The following RGS17 variants were observed in gnomAD, a reference collection of about 807,000 sequenced individuals.
RGS17 encodes regulator of G-protein signaling 17.
A neutral mutation model predicts 25.5 loss-of-function variants in RGS17; 12 were observed. The observed-to-expected ratio is 0.47, with a 90% CI of 0.30 to 0.76. The LOEUF is 0.76. Among genes scored for constraint, RGS17 ranks in the 30% least tolerant of loss-of-function variants. RGS17 has a pLI of 0.07. For missense variants in RGS17, 196 were observed against 242.2 expected, an observed-to-expected ratio of 0.81 and a Z score of 1.27; for synonymous variants, 71 against 76.9, an observed-to-expected ratio of 0.92 and a Z score of 0.40.
At chr6:153,050,339 C>A (rs932422766) in intron 1 of RGS17, among the ~76,000 whole-genome samples, 9 of 151,986 alleles carry the variant, frequency 5.9e-5, no homozygotes, top group African/African-American at 2.2e-4. Flanking sequence ...AATAGAGAAT[C>A]ATACTGGAAG....
intron 1 of RGS17, among the ~76,000 whole-genome samples, chr6:153,064,023 TAA>T (rs1776672528): frequency 6.6e-6 from 1 of 151,580 alleles, no homozygotes; most frequent in Non-Finnish European, 1.5e-5. Flanking sequence ...GAAGGAGAAA[TAA>T]AGACTTTCCC....
chr6:153,116,784 T>C (rs956952005), intron 1 of RGS17, among the ~76,000 whole-genome samples: 70 of 152,070 alleles, frequency 4.6e-4, no homozygotes, highest in African/African-American at 1.5e-3. Context: ...GGGACATGGA[T>C]GAAGCTAGAA....
intron 1 of RGS17, among the ~76,000 whole-genome samples, chr6:153,077,254 A>G (rs1375450021): frequency 6.6e-6 from 1 of 152,238 alleles, no homozygotes; most frequent in Non-Finnish European, 1.5e-5. Context: ...TCTAAAATAC[A>G]GTTCTCTTGG....
At chr6:153,046,738 T>C (rs746205879) in intron 1 of RGS17, among the ~76,000 whole-genome samples, 3 of 152,062 alleles carry the variant, frequency 2.0e-5, no homozygotes, top group Non-Finnish European at 2.9e-5. Context: ...ACCAGTAACA[T>C]TGAAAGGCCC....
At chr6:153,108,078 A>T (rs1217563517) in intron 1 of RGS17, among the ~76,000 whole-genome samples, 11 of 152,134 alleles carry the variant, frequency 7.2e-5, no homozygotes. Context: ...TCTCCAAAAT[A>T]TCCATCCTCT....
At chr6:153,094,367 T>G (rs983111232) in intron 1 of RGS17, among the ~76,000 whole-genome samples, 1 of 152,134 alleles carries the variant, frequency 6.6e-6, no homozygotes, top group African/African-American at 2.4e-5. Context: ...GCGTGAGCAT[T>G]GTGCTCAGTG....
At chr6:153,124,660 A>G (rs1364774374) in intron 1 of RGS17, among the ~76,000 whole-genome samples, 2 of 152,322 alleles carry the variant, frequency 1.3e-5, no homozygotes, top group Middle Eastern at 3.4e-3. Context: ...ATCCCTGGTT[A>G]TTTGAATCTA....
chr6:153,112,828 T>G (rs1471347793), intron 1 of RGS17, among the ~76,000 whole-genome samples: 1 of 152,128 alleles, frequency 6.6e-6, no homozygotes, highest in African/African-American at 2.4e-5. Flanking sequence ...AAACTAAGCT[T>G]CATAAGCAAA....
chr6:153,092,568 G>A (rs1056409382), intron 1 of RGS17, among the ~76,000 whole-genome samples: 2 of 152,126 alleles, frequency 1.3e-5, no homozygotes, highest in African/African-American at 2.4e-5. Flanking sequence ...GATAAAACAT[G>A]TACAATTATA....
At position 153,009,209 on chromosome 6, in the gene RGS17, T is replaced by C. The variant is rs1297870119; in HGVS notation, c.*2365A>G. On this transcript the variant is annotated 3_prime_UTR_variant, in exon 5 of 5. Transcript: ENST00000206262. ...CAAAGTATCTTATAAAGATAACTTA[T>C]GACTAGCAGGTCACCATCATATATA... 6.6e-6 allele frequency: 1 copy of C among 152,134 alleles called. No homozygotes were observed. The highest frequency in any genetic ancestry group is 1.5e-5 in the Non-Finnish European group (1 of 67,962). The allele number at this position is 152,134 out of a possible 1,614,324, so 9.4% of individuals were successfully genotyped here.
chr6:153,088,648 G>C (rs930107625), intron 1 of RGS17, among the ~76,000 whole-genome samples: 2 of 152,008 alleles, frequency 1.3e-5, no homozygotes, highest in Non-Finnish European at 2.9e-5. Context: ...TCTTCAGCTT[G>C]TTGGCATCTC....
At chr6:153,096,195 G>C (rs1227486912) in intron 1 of RGS17, among the ~76,000 whole-genome samples, 2 of 88,870 alleles carry the variant, frequency 2.3e-5, no homozygotes, top group Non-Finnish European at 4.5e-5. Flanking sequence ...CAGCAGGCCT[G>C]CCAGATGGAA....
At chr6:153,113,444 G>T (rs142736364) in intron 1 of RGS17, among the ~76,000 whole-genome samples, 14 of 152,136 alleles carry the variant, frequency 9.2e-5, no homozygotes, top group Middle Eastern at 6.8e-3. Context: ...GTTCTTAGAG[G>T]CCTATTAGGG....
chr6:153,120,750 G>A (rs536731273), intron 1 of RGS17, among the ~76,000 whole-genome samples: 1 of 152,172 alleles, frequency 6.6e-6, no homozygotes, highest in African/African-American at 2.4e-5. Context: ...GATTTCCTGC[G>A]AGTACTGTAT....
chr6:153,008,223 C>T lies in RGS17; in HGVS notation c.*3351G>A, dbSNP rs914158524. 3 of 152,060 alleles carry T rather than the reference C, an allele frequency of 2.0e-5. No individual in the cohort carries two copies. The highest frequency in any genetic ancestry group is 4.4e-5 in the Non-Finnish European group (3 of 68,018). 9.4% of individuals were successfully genotyped at this position (152,060 alleles called of 1,614,324 possible). ...TCAGGTAGATAAACAACACGTATTTCATTCTGTAAGTCAGAACCTAGGCAG... is the reference window on the plus strand; with the variant it reads ...TCAGGTAGATAAACAACACGTATTTTATTCTGTAAGTCAGAACCTAGGCAG... On this transcript the variant is annotated 3_prime_UTR_variant, in exon 5 of 5. Coordinates refer to ENST00000206262, the MANE Select transcript of RGS17 (RefSeq NM_012419.5).
At chr6:153,070,808 C>CACATAT (rs965030591) in intron 1 of RGS17, among the ~76,000 whole-genome samples, 2 of 150,468 alleles carry the variant, frequency 1.3e-5, no homozygotes, top group Admixed American at 6.7e-5. Context: ...TATACATATA[C>CACATAT]ACATATACAT....
At chr6:153,012,508 T>C (rs1410459215) in intron 4 of RGS17, among the ~76,000 whole-genome samples, 10 of 152,136 alleles carry the variant, frequency 6.6e-5, no homozygotes, top group African/African-American at 2.4e-4. Context: ...TTTAGGATCT[T>C]CCCCCTTCCT....
At chr6:153,026,212 AT>A (rs904320850) in intron 3 of RGS17, among the ~76,000 whole-genome samples, 19 of 152,162 alleles carry the variant, frequency 1.2e-4, no homozygotes, top group African/African-American at 4.3e-4. Context: ...GACAATCTTT[AT>A]TTTTTTTAAA....
chr6:153,085,838 T>C (rs1326810675), intron 1 of RGS17, among the ~76,000 whole-genome samples: 1 of 152,198 alleles, frequency 6.6e-6, no homozygotes, highest in Non-Finnish European at 1.5e-5. Context: ...AGTCTGCAAG[T>C]ATGAAAATCA....
Sources: gnomAD v4.1 joint callset for allele counts (sites outside exome capture counted in the v4.1 genomes callset) on GRCh38, gnomAD v4.1.1 for gene constraint, MANE v1.5 for transcripts, NCBI Gene and HGNC (gene_info 2026-07-23, HGNC 2026-07-21) for gene names.